The following ELAVL4 variants were observed in gnomAD, a reference collection of about 807,000 sequenced individuals.
ELAVL4 encodes the protein ELAV-like protein 4.
Under a neutral mutation model 35.6 loss-of-function variants are expected in ELAVL4, and 1 was observed. The ratio of observed to expected loss-of-function variants is 0.03; its 90% CI spans 0.01 to 0.13. ELAVL4 has a LOEUF of 0.13. ELAVL4 is among the 10% of genes least tolerant of loss of function. The pLI, the probability that ELAVL4 is intolerant of heterozygous loss-of-function variation, is 1.00. For missense variants in ELAVL4, 267 were observed against 464.9 expected (o/e 0.57, Z 3.91); for synonymous variants, 156 against 171.0 (o/e 0.91, Z 0.69).
intron 1 of ELAVL4, among the ~76,000 whole-genome samples, chr1:50,117,883 C>T (rs1173150893): frequency 1.3e-5 from 2 of 152,068 alleles, no homozygotes; most frequent in Non-Finnish European, 2.9e-5. Context: ...TAGACAAGCC[C>T]TCAGTTCTTC....
At chr1:50,054,996 A>G (rs912561965) in intron 1 of ELAVL4, among the ~76,000 whole-genome samples, 28 of 152,206 alleles carry the variant, frequency 1.8e-4, no homozygotes, top group African/African-American at 6.5e-4. Flanking sequence ...TATCCAATCT[A>G]CAGCTACAGC....
intron 3 of ELAVL4, among the ~76,000 whole-genome samples, chr1:50,187,470 G>A (rs575662048): frequency 6.6e-6 from 1 of 152,312 alleles, no homozygotes; most frequent in South Asian, 2.1e-4. Flanking sequence ...AAGGTTAAGT[G>A]ACTCACCCCA....
chr1:50,137,537 C>A (rs1048578028), intron 1 of ELAVL4, among the ~76,000 whole-genome samples: 3 of 150,756 alleles, frequency 2.0e-5, no homozygotes, highest in Non-Finnish European at 4.4e-5. Context: ...GGAAGGAAGG[C>A]AGGAAGGAAG....
chr1:50,194,753 A>C (rs1387628300), intron 4 of ELAVL4, among the ~76,000 whole-genome samples: 1 of 152,202 alleles, frequency 6.6e-6, no homozygotes, highest in Non-Finnish European at 1.5e-5. Context: ...AAGGTGTGCC[A>C]TGCCTGGTGG....
chr1:50,171,526 C>T (rs928450989), intron 2 of ELAVL4, among the ~76,000 whole-genome samples: 11 of 152,200 alleles, frequency 7.2e-5, no homozygotes, highest in Admixed American at 7.2e-4. Context: ...TAATAAGCCA[C>T]TTAGCACAGT....
intron 1 of ELAVL4, among the ~76,000 whole-genome samples, chr1:50,112,685 A>G (rs566050892): frequency 2.6e-5 from 4 of 152,256 alleles, no homozygotes; most frequent in African/African-American, 9.6e-5. Context: ...TTACAAGACA[A>G]TTTAATATCT....
intron 1 of ELAVL4, among the ~76,000 whole-genome samples, chr1:50,137,767 G>A (rs1002524500): frequency 6.6e-6 from 1 of 152,152 alleles, no homozygotes; most frequent in African/African-American, 2.4e-5. Flanking sequence ...AGTGGTTTGG[G>A]AAGGAAGGAA....
chr1:50,187,642 A>G (rs761720085), intron 3 of ELAVL4, among the ~76,000 whole-genome samples: 2 of 152,226 alleles, frequency 1.3e-5, no homozygotes, highest in Non-Finnish European at 2.9e-5. Context: ...CTCAAAATAT[A>G]GTTACCCAAT....
At chr1:50,052,668 A>G (rs1663446977) in intron 1 of ELAVL4, among the ~76,000 whole-genome samples, 1 of 152,184 alleles carries the variant, frequency 6.6e-6, no homozygotes, top group African/African-American at 2.4e-5. Context: ...GAATTTATGG[A>G]CCAAAATTTG....
At chr1:50,122,446 G>A (rs1315137302) in intron 1 of ELAVL4, among the ~76,000 whole-genome samples, 1 of 152,052 alleles carries the variant, frequency 6.6e-6, no homozygotes, top group Admixed American at 6.6e-5. Flanking sequence ...AATTGAAGTT[G>A]GATTAATTCT....
At chr1:50,152,888 C>T (rs1396845285) in intron 2 of ELAVL4, among the ~76,000 whole-genome samples, 1 of 152,174 alleles carries the variant, frequency 6.6e-6, no homozygotes, top group Non-Finnish European at 1.5e-5. Context: ...AAAACATTTT[C>T]AATCAACCAA....
chr1:50,195,974 T>G (rs1299580134), intron 5 of ELAVL4, among the ~76,000 whole-genome samples, 188 bp downstream of exon 5: 2 of 152,202 alleles, frequency 1.3e-5, no homozygotes, highest in Non-Finnish European at 2.9e-5. Flanking sequence ...CAGATGCCCT[T>G]CTAAGCCCTC....
chr1:50,126,025 C>A (rs1669847615), intron 1 of ELAVL4, among the ~76,000 whole-genome samples: 1 of 152,018 alleles, frequency 6.6e-6, no homozygotes, highest in African/African-American at 2.4e-5. Flanking sequence ...TGAATCGGGG[C>A]CCGGCACCTA....
intron 1 of ELAVL4, among the ~76,000 whole-genome samples, chr1:50,118,054 T>A (rs1172547055): frequency 6.6e-6 from 1 of 152,214 alleles, no homozygotes; most frequent in East Asian, 1.9e-4. Context: ...TTTTTTTAAT[T>A]TCATGAAAGA....
chr1:50,053,837 A>T (rs1452751204), intron 1 of ELAVL4, among the ~76,000 whole-genome samples: 5 of 152,232 alleles, frequency 3.3e-5, no homozygotes, highest in Non-Finnish European at 5.9e-5. Flanking sequence ...GGGAAAAAAA[A>T]TAGAGTAAGA....
At chr1:50,103,535 G>A (rs1666097852), upstream of ELAVL4, among the ~76,000 whole-genome samples, 1 of 152,156 alleles carries the variant, frequency 6.6e-6, no homozygotes, top group South Asian at 2.1e-4. Context: ...TTTCTGGGCA[G>A]ACTGATTGTA....
At chr1:50,138,624 C>T (rs572725610) in intron 1 of ELAVL4, among the ~76,000 whole-genome samples, 1 of 152,140 alleles carries the variant, frequency 6.6e-6, no homozygotes, top group East Asian at 1.9e-4. Flanking sequence ...CGCCATCATG[C>T]CTGGCAAATT....
Position 50,109,015 on chromosome 1 carries a change from T to TCGGGGGGCGG in ELAVL4, c.-174_-173insGGGGGGCGGC. On this transcript the variant is annotated 5_prime_UTR_variant, in exon 1 of 7. Transcript: ENST00000371824. ...GCTCCTTTTCTTTTTTTTCTTTCTC[T>TCGGGGGGCGG]CCCCCGCCCACCCCCCCAAAAATAA... The TCGGGGGGCGG allele has an allele frequency of 2.1e-6, 2 of 961,058 alleles. No homozygotes were observed. Among genetic ancestry groups the TCGGGGGGCGG allele is most frequent in the South Asian group, 4.7e-5 (1 of 21,226 alleles). 59.5% of individuals were successfully genotyped at this position (961,058 alleles called of 1,614,324 possible).
intron 1 of ELAVL4, among the ~76,000 whole-genome samples, chr1:50,075,259 C>T (rs778719688): frequency 4.6e-5 from 7 of 152,062 alleles, no homozygotes; most frequent in Non-Finnish European, 8.8e-5. Flanking sequence ...GCATTTTATC[C>T]GAGGTGCAAG....
Sources: allele counts gnomAD v4.1 joint callset (sites outside exome capture counted in the v4.1 genomes callset), GRCh38; gene constraint gnomAD v4.1.1; transcripts MANE v1.5; gene names NCBI Gene and HGNC (gene_info 2026-07-23, HGNC 2026-07-21).